The following KCNMB2 variants were observed in gnomAD, a reference collection of about 807,000 sequenced individuals.
The protein encoded by KCNMB2 is calcium-activated potassium channel subunit beta-2.
A neutral mutation model predicts 24.5 loss-of-function variants in KCNMB2; 9 were observed. That is an observed-to-expected ratio of 0.37 (90% CI 0.22 to 0.64). KCNMB2 has a LOEUF of 0.64. KCNMB2 is among the 30% of genes least tolerant of loss of function. The pLI, the probability that KCNMB2 is intolerant of heterozygous loss-of-function variation, is 0.63. For missense variants in KCNMB2, 226 were observed against 284.3 expected (o/e 0.79, Z 1.47); for synonymous variants, 109 against 104.4 (o/e 1.04, Z -0.27).
At chr3:178,649,670 G>A (rs775026757) in intron 1 of KCNMB2, among the ~76,000 whole-genome samples, 1 of 151,980 alleles carries the variant, frequency 6.6e-6, no homozygotes, top group Non-Finnish European at 1.5e-5. Flanking sequence ...GGTGTTTATA[G>A]TATTCTCTGA....
At chr3:178,708,157 T>G (rs1163999251) in intron 1 of KCNMB2, among the ~76,000 whole-genome samples, 2 of 152,164 alleles carry the variant, frequency 1.3e-5, no homozygotes, top group East Asian at 3.9e-4. Flanking sequence ...TTGGGGTTTC[T>G]AGGGCTTTCT....
At chr3:178,738,280 G>A (rs1029396834) in intron 1 of KCNMB2, among the ~76,000 whole-genome samples, 3 of 152,032 alleles carry the variant, frequency 2.0e-5, no homozygotes, top group Non-Finnish European at 4.4e-5. Context: ...CTTAGTCCCA[G>A]CCACCGGCAT....
At chr3:178,579,740 C>A (rs2108488072) in intron 1 of KCNMB2, among the ~76,000 whole-genome samples, 1 of 152,270 alleles carries the variant, frequency 6.6e-6, no homozygotes, top group East Asian at 1.9e-4. Context: ...ACACTATAAA[C>A]ACCTCTATGC....
At chr3:178,634,594 A>G (rs996319264) in intron 1 of KCNMB2, among the ~76,000 whole-genome samples, 5 of 152,122 alleles carry the variant, frequency 3.3e-5, no homozygotes, top group African/African-American at 9.7e-5. Context: ...GGTCCTTCCC[A>G]TGATACATGG....
At chr3:178,610,782 T>C (rs1188761879) in intron 1 of KCNMB2, among the ~76,000 whole-genome samples, 1 of 152,182 alleles carries the variant, frequency 6.6e-6, no homozygotes, top group East Asian at 1.9e-4. Flanking sequence ...CCAGTACTAT[T>C]TTGAATAGAA....
At chr3:178,825,031 C>T (rs1714781756) in intron 2 of KCNMB2, among the ~76,000 whole-genome samples, 1 of 152,202 alleles carries the variant, frequency 6.6e-6, no homozygotes, top group Admixed American at 6.5e-5. Flanking sequence ...CTTCACACTG[C>T]TTATCAATCT....
At chr3:178,764,623 T>C (rs1213530186) in intron 1 of KCNMB2, among the ~76,000 whole-genome samples, 1 of 152,198 alleles carries the variant, frequency 6.6e-6, no homozygotes, top group Non-Finnish European at 1.5e-5. Flanking sequence ...CATTAAGCAG[T>C]GCATGTGTGT....
intron 1 of KCNMB2, among the ~76,000 whole-genome samples, chr3:178,675,201 A>T (rs1398522533): frequency 6.6e-6 from 1 of 152,242 alleles, no homozygotes; most frequent in Non-Finnish European, 1.5e-5. Context: ...GTCCTATTAT[A>T]CAAGCTATTC....
At chr3:178,600,574 A>T (rs1241640130) in intron 1 of KCNMB2, among the ~76,000 whole-genome samples, 1 of 152,210 alleles carries the variant, frequency 6.6e-6, no homozygotes, top group Non-Finnish European at 1.5e-5. Flanking sequence ...AGAATTCTAC[A>T]TAAGCACTTG....
chr3:178,784,874 TAAAAAAAAA>T (rs67483966), intron 1 of KCNMB2, among the ~76,000 whole-genome samples: 1 of 121,394 alleles, frequency 8.2e-6, no homozygotes, highest in African/African-American at 3.1e-5. Context: ...CCTGAAGCCT[TAAAAAAAAA>T]AAAAAAAAAA....
chr3:178,579,920 C>A (rs1378732333), intron 1 of KCNMB2, among the ~76,000 whole-genome samples: 1 of 152,144 alleles, frequency 6.6e-6, no homozygotes, highest in Non-Finnish European at 1.5e-5. Flanking sequence ...GATGAATTCA[C>A]AGCCGAATTC....
At chr3:178,557,505 C>A (rs1048803295) in intron 1 of KCNMB2, among the ~76,000 whole-genome samples, 1 of 152,058 alleles carries the variant, frequency 6.6e-6, no homozygotes, top group Non-Finnish European at 1.5e-5. Flanking sequence ...TAAAGCATTC[C>A]GAATAACTAT....
Position 178,759,673 on chromosome 3 carries a change from T to TCTCTCTCCAAGAGGG in KCNMB2, c.-67-47670_-67-47669insCTCTCTCCAAGAGGG, listed in dbSNP as rs1276861159. On this transcript the variant is annotated intron_variant, in intron 1 of 4. Coordinates refer to ENST00000452583, the MANE Select transcript of KCNMB2 (RefSeq NM_181361.3). ...TATATCTCCAAGAGGGATATATATATATATATCCAAGAGGATATATATACA... is the reference window on the plus strand; with the variant it reads ...TATATCTCCAAGAGGGATATATATATCTCTCTCCAAGAGGGATATATCCAAGAGGATATATATACA... Among the ~76,000 whole-genome samples the TCTCTCTCCAAGAGGG allele has an allele frequency of 6.4e-4, 67 of 104,424 alleles. 6 individuals are homozygous for TCTCTCTCCAAGAGGG. The highest frequency in any genetic ancestry group is 2.0e-3 in the African/African-American group (63 of 31,782). The allele number at this position is 104,424 out of a possible 152,430, so 68.5% of individuals were successfully genotyped here.
chr3:178,736,853 A>T (rs34675039), intron 1 of KCNMB2, among the ~76,000 whole-genome samples: 1 of 152,176 alleles, frequency 6.6e-6, no homozygotes, highest in African/African-American at 2.4e-5. Context: ...CTGGTCAGGT[A>T]ATTATACAAG....
chr3:178,565,503 C>T (rs1029982465), intron 1 of KCNMB2, among the ~76,000 whole-genome samples: 2 of 152,314 alleles, frequency 1.3e-5, no homozygotes, highest in Middle Eastern at 6.8e-3. Context: ...AAGGCCATGG[C>T]AGCAGCCACA....
intron 1 of KCNMB2, among the ~76,000 whole-genome samples, chr3:178,693,507 T>G (rs925651458): frequency 6.6e-6 from 1 of 152,186 alleles, no homozygotes; most frequent in African/African-American, 2.4e-5. Flanking sequence ...TTGAGATAAT[T>G]ATGTGGTTTT....
At chr3:178,758,493 G>GATAT (rs1165468958) in intron 1 of KCNMB2, among the ~76,000 whole-genome samples, 1 of 14,072 alleles carries the variant, frequency 7.1e-5, no homozygotes, top group Admixed American at 8.6e-4. Flanking sequence ...AGAGGTGATT[G>GATAT]ATATATATAT....
intron 1 of KCNMB2, among the ~76,000 whole-genome samples, chr3:178,799,216 A>G (rs1231785444): frequency 6.6e-6 from 1 of 152,182 alleles, no homozygotes; most frequent in Non-Finnish European, 1.5e-5. Context: ...AAGACATCCA[A>G]ATTGGAAAGG....
chr3:178,707,323 A>C (rs1032894273), intron 1 of KCNMB2, among the ~76,000 whole-genome samples: 1 of 152,160 alleles, frequency 6.6e-6, no homozygotes, highest in African/African-American at 2.4e-5. Flanking sequence ...AAATGAGATA[A>C]AATATTCTAA....
Sources: gnomAD v4.1 joint callset for allele counts (sites outside exome capture counted in the v4.1 genomes callset) on GRCh38, gnomAD v4.1.1 for gene constraint, MANE v1.5 for transcripts, NCBI Gene and HGNC (gene_info 2026-07-23, HGNC 2026-07-21) for gene names.